The following LYPD6B variants were observed in gnomAD, a reference collection of about 807,000 sequenced individuals.
The protein encoded by LYPD6B is LY6/PLAUR domain containing 6B.
In LYPD6B, 17 loss-of-function variants were observed where a neutral mutation model predicts 22.8. The observed-to-expected ratio is 0.75, with a 90% CI of 0.51 to 1.12. LYPD6B has a LOEUF of 1.12. Ranked by LOEUF, LYPD6B falls within the 50% of genes most tolerant of loss-of-function variation. The pLI, the probability that LYPD6B is intolerant of heterozygous loss-of-function variation, is 0.00. For synonymous variants in LYPD6B, 106 were observed against 91.6 expected, an observed-to-expected ratio of 1.16 and a Z score of -0.90; for missense variants, 221 against 258.3, an observed-to-expected ratio of 0.86 and a Z score of 0.99.
Position 149,082,277 on chromosome 2 carries a change from A to C in LYPD6B, c.-67+43476A>C, listed in dbSNP as rs558498370. Reference sequence around the variant, plus strand: ...ATGAGCACTGGCAAAATGGCCGATTAGGGAGGCCCTGGGAGGAACAGCTGG... The same window carrying C: ...ATGAGCACTGGCAAAATGGCCGATTCGGGAGGCCCTGGGAGGAACAGCTGG... On this transcript the variant is annotated intron_variant, in intron 1 of 6. Transcript: ENST00000409642. Among the ~76,000 whole-genome samples, 11 of 152,344 alleles carry C rather than the reference A, an allele frequency of 7.2e-5. No homozygotes were observed. In the South Asian group the frequency reaches 2.3e-3, roughly 32 times the overall value.
At chr2:149,115,311 C>T (rs2105558005) in intron 1 of LYPD6B, among the ~76,000 whole-genome samples, 1 of 152,312 alleles carries the variant, frequency 6.6e-6, no homozygotes, top group South Asian at 2.1e-4. Flanking sequence ...ATTGCCACAT[C>T]TGTAAATGGA....
intron 2 of LYPD6B, among the ~76,000 whole-genome samples, chr2:149,148,881 C>T (rs1170091968): frequency 6.6e-6 from 1 of 152,152 alleles, no homozygotes. Context: ...TTACAGACTT[C>T]TACAGCCTGC....
In LYPD6B at chr2:149,172,253, G is replaced by T. The variant is rs146515973; in HGVS notation, c.77+11418G>T. Among the ~76,000 whole-genome samples the T allele has an allele frequency of 1.5e-3, 222 of 152,254 alleles. 2 individuals carry two copies. Among genetic ancestry groups the T allele is most frequent in the African/African-American group, 5.1e-3 (213 of 41,554 alleles). The stretch of plus-strand genomic sequence containing the variant: ...ACTATCACAAGAATAGCAGCATGGG[G>T]ATAGCCACCCCCGTGATTCAATTAC... On this transcript the variant is annotated intron_variant, in intron 3 of 6. Transcript: ENST00000409642.
At chr2:149,097,091 C>T (rs1043920684) in intron 1 of LYPD6B, among the ~76,000 whole-genome samples, 3 of 152,216 alleles carry the variant, frequency 2.0e-5, no homozygotes, top group Non-Finnish European at 4.4e-5. Flanking sequence ...GCCCTAGGAG[C>T]TGTGCATTAT....
chr2:149,097,747 A>G (rs1047459278), intron 1 of LYPD6B, among the ~76,000 whole-genome samples: 1 of 152,252 alleles, frequency 6.6e-6, no homozygotes, highest in Non-Finnish European at 1.5e-5. Flanking sequence ...ACGAAGTTAC[A>G]GAGTAGGCAA....
chr2:149,198,844 G>C (rs1400839416), intron 3 of LYPD6B, among the ~76,000 whole-genome samples: 2 of 152,152 alleles, frequency 1.3e-5, no homozygotes, highest in Non-Finnish European at 1.5e-5. Context: ...TTACATTTAT[G>C]ACTCTTTATG....
chr2:149,204,447 T>C (rs986219769), intron 3 of LYPD6B: 7 of 154,434 alleles, frequency 4.5e-5, no homozygotes, highest in African/African-American at 1.7e-4. Flanking sequence ...GGGCTTAAGA[T>C]GTCATATCTT....
chr2:149,120,790 T>C (rs1480157330), intron 1 of LYPD6B, among the ~76,000 whole-genome samples: 5 of 135,018 alleles, frequency 3.7e-5, no homozygotes, highest in African/African-American at 1.5e-4. Context: ...AAGTCTTTTT[T>C]TTTTTTTTTT....
At chr2:149,078,832 C>T (rs189896435) in intron 1 of LYPD6B, among the ~76,000 whole-genome samples, 1 of 151,928 alleles carries the variant, frequency 6.6e-6, no homozygotes, top group Non-Finnish European at 1.5e-5. Context: ...CATAGCAAGA[C>T]CCCCATCTCT....
chr2:149,148,389 C>A (rs1158237804), intron 2 of LYPD6B, among the ~76,000 whole-genome samples: 3 of 152,184 alleles, frequency 2.0e-5, no homozygotes, highest in Admixed American at 6.5e-5. Context: ...AAATTCGGAT[C>A]TTTGCCAAAC....
At chr2:149,069,749 G>A (rs1684513088) in intron 1 of LYPD6B, among the ~76,000 whole-genome samples, 1 of 152,034 alleles carries the variant, frequency 6.6e-6, no homozygotes, top group Non-Finnish European at 1.5e-5. Flanking sequence ...GCATCACCGA[G>A]TGCCCAGTTG....
At chr2:149,100,935 T>A (rs775004119) in intron 1 of LYPD6B, among the ~76,000 whole-genome samples, 1 of 152,206 alleles carries the variant, frequency 6.6e-6, no homozygotes, top group Non-Finnish European at 1.5e-5. Context: ...GTCTGTGGCA[T>A]TTTTAATCCA....
chr2:149,213,218 C>A (rs1291764425), intron 6 of LYPD6B, 96 bp downstream of exon 6: 1 of 1,457,042 alleles, frequency 6.9e-7, no homozygotes, highest in South Asian at 1.3e-5. Context: ...AATATGTGGA[C>A]CATGTTTACA....
chr2:149,152,213 G>T (rs1372018087), intron 2 of LYPD6B, among the ~76,000 whole-genome samples: 1 of 152,016 alleles, frequency 6.6e-6, no homozygotes, highest in African/African-American at 2.4e-5. Context: ...ATCACCAAAC[G>T]CAGGCTCCTT....
chr2:149,185,898 T>C lies in LYPD6B; in HGVS notation c.78-19355T>C, dbSNP rs188342544. Among the ~76,000 whole-genome samples the C allele has an allele frequency of 4.2e-3, 636 of 152,310 alleles. 1 individual carries two copies. The highest frequency in any genetic ancestry group is 7.0e-3 in the Non-Finnish European group (473 of 68,020). On this transcript the variant is annotated intron_variant, in intron 3 of 6. Transcript: ENST00000409642. Reference sequence around the variant, plus strand: ...CTATTGTAATTGTTTGGGGGCACCATGAAATATACCCATATAAGGTGGTGA... The same window carrying C: ...CTATTGTAATTGTTTGGGGGCACCACGAAATATACCCATATAAGGTGGTGA...
intron 1 of LYPD6B, among the ~76,000 whole-genome samples, chr2:149,045,963 C>A (rs539997085): frequency 6.7e-4 from 102 of 152,166 alleles, no homozygotes; most frequent in African/African-American, 2.3e-3. Context: ...TGCTTGTTTT[C>A]TCTATAACCA....
chr2:149,040,104 TTGCACCTTCAGGCTTATC>T (rs1157761697), intron 1 of LYPD6B, among the ~76,000 whole-genome samples: 1 of 152,082 alleles, frequency 6.6e-6, no homozygotes, highest in African/African-American at 2.4e-5. Flanking sequence ...TAAATAGGAC[TTGCACCTTCAGGCTTATC>T]TGCTCCTTCA....
At chr2:149,084,531 T>C (rs1485004640) in intron 1 of LYPD6B, among the ~76,000 whole-genome samples, 1 of 152,210 alleles carries the variant, frequency 6.6e-6, no homozygotes, top group Non-Finnish European at 1.5e-5. Context: ...ATCCCAGGCC[T>C]GAAATCAGTT....
intron 3 of LYPD6B, among the ~76,000 whole-genome samples, chr2:149,174,867 G>T (rs1046616234): frequency 6.6e-6 from 1 of 151,772 alleles, no homozygotes; most frequent in Non-Finnish European, 1.5e-5. Context: ...GATCTGTGCC[G>T]CAAACCACCA....
Sources: allele counts gnomAD v4.1 joint callset (sites outside exome capture counted in the v4.1 genomes callset), GRCh38; gene constraint gnomAD v4.1.1; transcripts MANE v1.5; gene names NCBI Gene and HGNC (gene_info 2026-07-23, HGNC 2026-07-21).